The following DST variants were observed in gnomAD, a reference collection of about 807,000 sequenced individuals.
DST encodes dystonin.
DST carries 253 observed loss-of-function variants against 875.2 expected under a neutral mutation model. That is an observed-to-expected ratio of 0.29 (90% CI 0.26 to 0.32). DST has a LOEUF of 0.32. Ranked by LOEUF, DST falls within the 10% of genes least tolerant of loss-of-function variation. The pLI is 1.00. For synonymous variants in DST, 3,124 were observed against 3,197.1 expected, an observed-to-expected ratio of 0.98 and a Z score of 0.77; for missense variants, 8,287 against 9,111.6, an observed-to-expected ratio of 0.91 and a Z score of 3.68.
intron 90 of DST, among the ~76,000 whole-genome samples, chr6:56,481,474 A>C (rs1488369574): frequency 6.6e-6 from 1 of 152,230 alleles, no homozygotes; most frequent in African/African-American, 2.4e-5. Context: ...TTAGTTATTC[A>C]ATAGAATATT....
At position 56,553,079 on chromosome 6, in the gene DST, A is replaced by G. The variant is rs1403535931; in HGVS notation, c.15713T>C (p.Ile5238Thr). 6 of 1,613,806 alleles carry G rather than the reference A, an allele frequency of 3.7e-6. No individual in the cohort carries two copies. The highest frequency in any genetic ancestry group is 5.1e-6 in the Non-Finnish European group (6 of 1,179,894). The change falls in exon 61 of 104, where the codon ATA becomes ACA. Residue 5238 changes from isoleucine (I) to threonine (T), a missense_variant. By Grantham distance (89) the Ile-to-Thr change is moderately conservative. Transcript: ENST00000680361. ...TANSLLSVCE[I>T]DKEVVTDENK... ...CTCATCTGTAACAACTTCTTTATCTATCTCACAGACACTGAGCAAGCTATT... is the reference window on the plus strand; with the variant it reads ...CTCATCTGTAACAACTTCTTTATCTGTCTCACAGACACTGAGCAAGCTATT...
At chr6:56,477,152 A>T (rs1039764655) in intron 91 of DST, among the ~76,000 whole-genome samples, 193 bp downstream of exon 91, 2 of 152,148 alleles carry the variant, frequency 1.3e-5, no homozygotes, top group African/African-American at 2.4e-5. Flanking sequence ...TAGCTGCAAA[A>T]TTTCTTTGAG....
intron 3 of DST, among the ~76,000 whole-genome samples, chr6:56,872,890 T>C (rs1009998093): frequency 7.0e-6 from 1 of 142,812 alleles, no homozygotes; most frequent in South Asian, 2.4e-4. Context: ...CTAGATCATA[T>C]AGTAGTTCTA....
At chr6:56,666,606 T>G (rs1399857728) in intron 10 of DST, among the ~76,000 whole-genome samples, 1 of 152,084 alleles carries the variant, frequency 6.6e-6, no homozygotes, top group Non-Finnish European at 1.5e-5. Context: ...GTAAAATCCA[T>G]ATAAATGTTT....
At chr6:56,688,783 T>C (rs2099205711) in intron 9 of DST, among the ~76,000 whole-genome samples, 1 of 152,194 alleles carries the variant, frequency 6.6e-6, no homozygotes, top group African/African-American at 2.4e-5. Context: ...CAATGAGATA[T>C]AATGCACAAG....
intron 4 of DST, among the ~76,000 whole-genome samples, chr6:56,804,713 A>AG (rs113115066): frequency 0.04 from 6,155 of 152,262 alleles, 429 homozygotes; most frequent in African/African-American, 0.14. Flanking sequence ...AGATCTTGTT[A>AG]GAGTAAGCCT....
intron 69 of DST, among the ~76,000 whole-genome samples, chr6:56,524,653 G>A (rs1219302461): frequency 6.6e-6 from 1 of 151,996 alleles, no homozygotes; most frequent in East Asian, 1.9e-4. Context: ...CAGACTTGCA[G>A]GTATTTCAAA....
chr6:56,586,684 A>T (rs12195236), intron 49 of DST, among the ~76,000 whole-genome samples: 16 of 152,038 alleles, frequency 1.1e-4, no homozygotes, highest in Middle Eastern at 3.4e-3. Flanking sequence ...CTGACACCTC[A>T]CACGGCCAGG....
intron 95 of DST, among the ~76,000 whole-genome samples, 195 bp from the exon 96 acceptor site, chr6:56,470,477 T>C (rs1011204469): frequency 6.6e-6 from 1 of 152,174 alleles, no homozygotes; most frequent in Non-Finnish European, 1.5e-5. Flanking sequence ...TTAATTACTA[T>C]TTAGGTGAAT....
chr6:56,643,019 C>T (rs954453518), intron 15 of DST: 2 of 998,570 alleles, frequency 2.0e-6, no homozygotes, highest in Admixed American at 6.1e-5. Context: ...TGAGGTTTGC[C>T]TTTTGTAGCT....
At chr6:56,476,517 C>A (rs1040494943) in intron 91 of DST, among the ~76,000 whole-genome samples, 180 bp from the exon 92 acceptor site, 3 of 152,152 alleles carry the variant, frequency 2.0e-5, no homozygotes, top group Non-Finnish European at 1.5e-5. Context: ...GACATGAGAG[C>A]CCACGATGAT....
chr6:56,464,395 A>G, intron 100 of DST: 1 of 421,606 alleles, frequency 2.4e-6, no homozygotes. Flanking sequence ...TGAGGTAGTC[A>G]GTGATGCAGC....
At position 56,517,485 on chromosome 6, in the gene DST, A is replaced by C; in HGVS notation, c.18249+16T>G. 3.7e-6 allele frequency: 6 copies of C among 1,610,058 alleles called. No homozygotes were observed. Among genetic ancestry groups the C allele is most frequent in the Non-Finnish European group, 5.1e-6 (6 of 1,177,852 alleles). ...AGCAAATAATTCATATGGCAATTGGAAATGTATTTCTTCACCTTTTGAACT... is the reference window on the plus strand; with the variant it reads ...AGCAAATAATTCATATGGCAATTGGCAATGTATTTCTTCACCTTTTGAACT... On this transcript the variant is annotated intron_variant, in intron 70 of 103. Coordinates refer to ENST00000680361, the MANE Select transcript of DST (RefSeq NM_001374736.1).
chr6:56,563,803 GC>G (rs771856928), intron 55 of DST, among the ~76,000 whole-genome samples: 11 of 152,156 alleles, frequency 7.2e-5, no homozygotes, highest in Non-Finnish European at 1.5e-4. Context: ...CATATGGCTA[GC>G]TAGTTTTCCC....
At chr6:56,676,961 C>T (rs2099133752) in intron 9 of DST, among the ~76,000 whole-genome samples, 1 of 152,068 alleles carries the variant, frequency 6.6e-6, no homozygotes, top group Admixed American at 6.5e-5. Context: ...TTCTCTTACA[C>T]AACATAGTGA....
In DST at chr6:56,576,377, T is replaced by C. The variant is rs1039354118; in HGVS notation, c.13027+2437A>G. Among the ~76,000 whole-genome samples, 3 of 152,312 alleles carry C rather than the reference T, an allele frequency of 2.0e-5. No individual in the cohort carries two copies. In the South Asian group the frequency reaches 6.2e-4, roughly 32 times the overall value. ...GTGAGAAGGGTCATGGGAATCCTAATTTATAGCTGATCAGTCTGAAATACG... is the reference window on the plus strand; with the variant it reads ...GTGAGAAGGGTCATGGGAATCCTAACTTATAGCTGATCAGTCTGAAATACG... On this transcript the variant is annotated intron_variant, in intron 50 of 103. Coordinates refer to ENST00000680361, the MANE Select transcript of DST (RefSeq NM_001374736.1).
intron 4 of DST, among the ~76,000 whole-genome samples, chr6:56,816,864 A>G (rs995214210): frequency 3.3e-5 from 5 of 150,936 alleles, no homozygotes; most frequent in African/African-American, 7.3e-5. Context: ...TTCCTACCAT[A>G]TATAAAGTAC....
chr6:56,469,106 G>C lies in DST; in HGVS notation c.22552-107C>G. 5.9e-6 allele frequency: 5 copies of C among 853,810 alleles called. No homozygotes were observed. The South Asian group carries it at 1.1e-4, about 18-fold the overall frequency. The allele number at this position is 853,810 out of a possible 1,614,324, so 52.9% of individuals were successfully genotyped here. The stretch of plus-strand genomic sequence containing the variant: ...CTCACACTCTGTGCTTCTGGATGTA[G>C]TATCTAGTTTAGAGATGTGCAGGCA... On this transcript the variant is annotated intron_variant, in intron 97 of 103. Transcript: ENST00000680361.
At chr6:56,790,290 A>G (rs1325740294) in intron 4 of DST, among the ~76,000 whole-genome samples, 1 of 152,174 alleles carries the variant, frequency 6.6e-6, no homozygotes, top group Non-Finnish European at 1.5e-5. Context: ...TGCCCGTTTT[A>G]CAAAAGAGGA....
Sources: gnomAD v4.1 joint callset for allele counts (sites outside exome capture counted in the v4.1 genomes callset) on GRCh38, gnomAD v4.1.1 for gene constraint, MANE v1.5 for transcripts, NCBI Gene and HGNC (gene_info 2026-07-23, HGNC 2026-07-21) for gene names.